Variants in SYCP1 observed in about 807,000 individuals in gnomAD.
The protein encoded by SYCP1 is cancer/testis antigen 8.
In SYCP1, 64 loss-of-function variants were observed where a neutral mutation model predicts 153.1. The observed-to-expected ratio is 0.42, with a 90% CI of 0.34 to 0.51. SYCP1 has a LOEUF of 0.51. Ranked by LOEUF, SYCP1 falls within the 20% of genes least tolerant of loss-of-function variation. The probability of loss-of-function intolerance (pLI) is 0.06; values close to 1 mark genes in which losing one functional copy is unlikely to be tolerated. For synonymous variants in SYCP1, 384 were observed against 341.8 expected, an observed-to-expected ratio of 1.12 and a Z score of -1.36; for missense variants, 997 against 1,049.0, an observed-to-expected ratio of 0.95 and a Z score of 0.68.
At chr1:114,926,237 T>C (rs904645083) in intron 21 of SYCP1, 41 bp from the exon 22 acceptor site, 4 of 1,404,176 alleles carry the variant, frequency 2.8e-6, no homozygotes, top group Middle Eastern at 2.0e-4. Flanking sequence ...TTTCAACTGG[T>C]ATACTGAATA....
chr1:114,880,089 T>C (rs1312801896), intron 12 of SYCP1, among the ~76,000 whole-genome samples: 2 of 152,186 alleles, frequency 1.3e-5, no homozygotes, highest in African/African-American at 2.4e-5. Flanking sequence ...ATTTCTATCG[T>C]TTCTTTTTTA....
chr1:114,975,358 G>GTA (rs1672742201), intron 27 of SYCP1, among the ~76,000 whole-genome samples: 1 of 150,814 alleles, frequency 6.6e-6, no homozygotes, highest in Non-Finnish European at 1.5e-5. Flanking sequence ...GTGTGTGTGT[G>GTA]TCTTACTTTG....
At chr1:114,897,504 C>G (rs1667149833) in intron 16 of SYCP1, among the ~76,000 whole-genome samples, 2 of 152,128 alleles carry the variant, frequency 1.3e-5, no homozygotes, top group Non-Finnish European at 2.9e-5. Flanking sequence ...GCTGGTATGT[C>G]AGGCTTCTAG....
At chr1:114,943,891 A>G (rs776965963) in intron 23 of SYCP1, among the ~76,000 whole-genome samples, 1 of 151,884 alleles carries the variant, frequency 6.6e-6, no homozygotes, top group Non-Finnish European at 1.5e-5. Context: ...TTTGAATTAT[A>G]TCTACACAAC....
At chr1:114,908,835 A>G (rs946182104) in intron 16 of SYCP1, among the ~76,000 whole-genome samples, 1 of 152,168 alleles carries the variant, frequency 6.6e-6, no homozygotes, top group Admixed American at 6.5e-5. Context: ...TGGGGTTAGC[A>G]TATATCTGTT....
intron 23 of SYCP1, among the ~76,000 whole-genome samples, chr1:114,936,161 C>G (rs1042156623): frequency 5.9e-5 from 9 of 152,170 alleles, no homozygotes; most frequent in African/African-American, 2.2e-4. Flanking sequence ...CAATAAAATA[C>G]TGGCAAACCA....
intron 23 of SYCP1, among the ~76,000 whole-genome samples, chr1:114,940,062 A>G (rs187533614): frequency 6.6e-6 from 1 of 151,730 alleles, no homozygotes. Flanking sequence ...TTTTTTCTTT[A>G]TCAGTGTCAC....
rs1553201997 is a variant in SYCP1, at chr1:114,954,547, T to TTTTTTTTATTTATTTA, written c.2322+7230_2322+7231insTTTTATTTATTTATTT. 3.4e-5 allele frequency among the ~76,000 whole-genome samples: 5 copies of TTTTTTTTATTTATTTA among 148,334 alleles called. No individual in the cohort carries two copies. In the South Asian group the frequency reaches 8.4e-4, roughly 25 times the overall value. ...TTTTATCCTTTCCAGTCAGTATGCT[T>TTTTTTTTATTTATTTA]TTTATTTATTTATTTATTTATTTAT... On this transcript the variant is annotated intron_variant, in intron 27 of 31. Transcript: ENST00000369522.
At chr1:114,864,022 G>C (rs547960242) in intron 8 of SYCP1, among the ~76,000 whole-genome samples, 1 of 151,712 alleles carries the variant, frequency 6.6e-6, no homozygotes, top group Non-Finnish European at 1.5e-5. Context: ...ACCTAATGCA[G>C]GTGGGGCTTA....
At chr1:114,947,811 C>CCAAAA (rs1413794208) in intron 27 of SYCP1, among the ~76,000 whole-genome samples, 4 of 43,876 alleles carry the variant, frequency 9.1e-5, no homozygotes, top group African/African-American at 1.9e-4. Flanking sequence ...GACTCCGTCT[C>CCAAAA]AAAAAAAAAA....
At chr1:114,869,278 C>A (rs2101392097) in intron 8 of SYCP1, among the ~76,000 whole-genome samples, 1 of 152,168 alleles carries the variant, frequency 6.6e-6, no homozygotes, top group Non-Finnish European at 1.5e-5. Context: ...CTTGAGATTT[C>A]TTCTTTGACT....
chr1:114,905,038 G>A (rs1342175670), intron 16 of SYCP1, among the ~76,000 whole-genome samples: 1 of 152,080 alleles, frequency 6.6e-6, no homozygotes, highest in Non-Finnish European at 1.5e-5. Flanking sequence ...ACCCCATTTG[G>A]TGTTGAGTAT....
intron 12 of SYCP1, among the ~76,000 whole-genome samples, chr1:114,882,030 C>A (rs1269059393): frequency 6.6e-6 from 1 of 152,118 alleles, no homozygotes; most frequent in Non-Finnish European, 1.5e-5. Flanking sequence ...TCTGTTTCCT[C>A]ATTTTCTGAG....
intron 23 of SYCP1, among the ~76,000 whole-genome samples, chr1:114,934,652 A>G (rs1294359018): frequency 6.6e-6 from 1 of 152,186 alleles, no homozygotes; most frequent in Non-Finnish European, 1.5e-5. Flanking sequence ...AGTGTGCTGT[A>G]TTCAGGAGAC....
chr1:114,886,273 G>C lies in SYCP1; in HGVS notation c.1154G>C (p.Cys385Ser). 1 of 1,598,760 alleles carries C rather than the reference G, an allele frequency of 6.3e-7. No homozygotes were observed. Among genetic ancestry groups the C allele is most frequent in the Non-Finnish European group, 8.5e-7 (1 of 1,174,104 alleles). The change falls in exon 14 of 32, where the codon TGC (cysteine) becomes TCC (serine). Residue 385 changes from cysteine to serine, a missense_variant. Around this residue, in one of 2 missense-constraint regions of SYCP1, gnomAD observed 712 missense variants for 682.9 expected, o/e 1.04. Transcript: ENST00000369522. ...FVVTEFETTV[C>S]SLEELLRTEQ... The stretch of plus-strand genomic sequence containing the variant: ...GTTACTGAATTTGAAACTACTGTCT[G>C]CAGCTTGGAAGAATTATTGAGAACA...
At chr1:114,885,853 T>A (rs1473900089) in intron 13 of SYCP1, among the ~76,000 whole-genome samples, 1 of 152,140 alleles carries the variant, frequency 6.6e-6, no homozygotes, top group Non-Finnish European at 1.5e-5. Flanking sequence ...CAGGGTGGTT[T>A]AGGTAATAAA....
At chr1:114,910,340 A>C (rs976717681) in intron 16 of SYCP1, 57 bp from the exon 17 acceptor site, 2 of 1,243,434 alleles carry the variant, frequency 1.6e-6, no homozygotes, top group African/African-American at 1.5e-5. Flanking sequence ...GGGCAGTTTG[A>C]TTACTTTCAC....
intron 16 of SYCP1, among the ~76,000 whole-genome samples, chr1:114,904,471 G>T (rs1190888799): frequency 6.6e-6 from 1 of 152,098 alleles, no homozygotes; most frequent in Non-Finnish European, 1.5e-5. Flanking sequence ...TATTGGAATT[G>T]TGTGAAATAT....
chr1:114,907,802 C>G (rs559976815), intron 16 of SYCP1, among the ~76,000 whole-genome samples: 2 of 151,940 alleles, frequency 1.3e-5, no homozygotes, highest in African/African-American at 4.8e-5. Flanking sequence ...AGGATGGTCT[C>G]GATCTCCTGA....
Sources: allele counts gnomAD v4.1 joint callset (sites outside exome capture counted in the v4.1 genomes callset), GRCh38; gene constraint gnomAD v4.1.1; regional missense constraint gnomAD v4.1.1; transcripts MANE v1.5; gene names NCBI Gene and HGNC (gene_info 2026-07-23, HGNC 2026-07-21).